Variants in TTC9C observed in about 807,000 individuals in gnomAD.
TTC9C encodes the protein tetratricopeptide repeat protein 9C.
Under a neutral mutation model 22.5 loss-of-function variants are expected in TTC9C, and 15 were observed. The observed-to-expected ratio is 0.67, with a 90% CI of 0.45 to 1.03. The LOEUF (loss-of-function observed/expected upper bound fraction) is 1.03. TTC9C is among the 50% of genes least tolerant of loss of function. The pLI is 0.00. For synonymous variants in TTC9C, 92 were observed against 86.8 expected (o/e 1.06, Z -0.33); for missense variants, 244 against 214.6 (o/e 1.14, Z -0.86).
chr11:62,738,375 T>C lies in TTC9C; in HGVS notation c.509T>C (p.Phe170Ser). The C allele has an allele frequency of 6.2e-7, 1 of 1,609,090 alleles. No individual in the cohort carries two copies. Among genetic ancestry groups the C allele is most frequent in the Non-Finnish European group, 8.5e-7 (1 of 1,176,548 alleles). Residue 170 changes from phenylalanine to serine, a missense_variant, in exon 3 of 3, where the codon TTT (phenylalanine) becomes TCT (serine). Phe to Ser is a radical substitution (Grantham distance 155). Transcript: ENST00000316461. ...GAGAAGCAGCTCTACCTGGGCATGT[T>C]TGGTTAACAAAGAAGAAAGATGCTC... is the stretch of plus-strand genomic sequence containing the variant. ...RKEKQLYLGMFG is the reference protein window; with the variant it reads ...RKEKQLYLGMSG
rs1225057792 is a variant in TTC9C at position 62,730,232 on chromosome 11, G to T, written c.238+1146G>T. Among the ~76,000 whole-genome samples, 4 of 152,030 alleles carry T rather than the reference G, an allele frequency of 2.6e-5. No individual in the cohort carries two copies. The South Asian group carries it at 8.3e-4, about 32-fold the overall frequency. On this transcript the variant is annotated intron_variant, in intron 1 of 2. Coordinates refer to ENST00000316461, the MANE Select transcript of TTC9C (RefSeq NM_173810.4). ...CTGGGATACAGGCGCGTGCCACCAC[G>T]CCTGGCTAATTTTTTGTATTTTTAG...
chr11:62,729,129 G>A, intron 1 of TTC9C, 43 bp downstream of exon 1: 4 of 1,545,464 alleles, frequency 2.6e-6, no homozygotes, highest in Middle Eastern at 1.7e-4. Context: ...ATTAAGACAG[G>A]AACATGAACA....
Position 62,735,494 on chromosome 11 carries a change from C to G in TTC9C, c.351C>G (p.Ala117=), listed in dbSNP as rs1320107537. The change falls in exon 2 of 3, where the codon GCC becomes GCG. Residue 117 remains alanine, a synonymous_variant. Transcript: ENST00000316461. The part of the protein sequence containing the change: ...NAKALYRAGV[A]FFHLQDYDQA... ...AGGCCTTGTATCGGGCCGGAGTGGCCTTTTTCCATCTGCAGGACTATGACC... is the reference window on the plus strand; with the variant it reads ...AGGCCTTGTATCGGGCCGGAGTGGCGTTTTTCCATCTGCAGGACTATGACC... The G allele has an allele frequency of 1.2e-6, 2 of 1,613,218 alleles. No homozygotes were observed. Among genetic ancestry groups the G allele is most frequent in the East Asian group, 2.2e-5 (1 of 44,890 alleles).
At chr11:62,733,331 A>G in intron 1 of TTC9C, 1 of 389,942 alleles carries the variant, frequency 2.6e-6, no homozygotes, top group Non-Finnish European at 4.4e-6. Context: ...AGAACCTGTA[A>G]GATCTTAGAC....
At chr11:62,735,607 T>C (rs1336338466) in intron 2 of TTC9C, 43 bp downstream of exon 2, 1 of 1,561,770 alleles carries the variant, frequency 6.4e-7, no homozygotes, top group South Asian at 1.2e-5. Flanking sequence ...AAAATTGTCT[T>C]GCTGGGGTGG....
At chr11:62,735,010 C>T (rs2083894195) in intron 1 of TTC9C, among the ~76,000 whole-genome samples, 1 of 152,206 alleles carries the variant, frequency 6.6e-6, no homozygotes, top group Non-Finnish European at 1.5e-5. Flanking sequence ...GATTCTCTTG[C>T]CTCACCCTCC....
upstream of TTC9C, chr11:62,728,251 G>A (rs1231025620): frequency 5.9e-6 from 2 of 338,366 alleles, no homozygotes; most frequent in Non-Finnish European, 1.2e-5. Context: ...CAGAGGGCGA[G>A]GAACTGGTCA....
chr11:62,728,839 G>A lies in TTC9C; in HGVS notation c.-10G>A, dbSNP rs1416552656. On this transcript the variant is annotated 5_prime_UTR_variant, in exon 1 of 3. Transcript: ENST00000316461. ...ACTTCCCAGTTCCGCAAGAACCGTG[G>A]GCGACAGTTATGGAGAAGCGTCTGC... is the stretch of plus-strand genomic sequence containing the variant. The A allele has an allele frequency of 6.2e-7, 1 of 1,613,872 alleles. No homozygotes were observed. The highest frequency in any genetic ancestry group is 8.5e-7 in the Non-Finnish European group (1 of 1,179,820).
chr11:62,736,899 C>CT (rs1171528632), intron 2 of TTC9C, among the ~76,000 whole-genome samples: 1 of 149,642 alleles, frequency 6.7e-6, no homozygotes, highest in African/African-American at 2.5e-5. Flanking sequence ...TGTTCCTGGT[C>CT]TTTAAGAGTG....
Position 62,729,103 on chromosome 11 carries a change from A to G in TTC9C, c.238+17A>G. 2 of 1,607,878 alleles carry G rather than the reference A, an allele frequency of 1.2e-6. No individual in the cohort carries two copies. The highest frequency in any genetic ancestry group is 1.7e-6 in the Non-Finnish European group (2 of 1,174,550). ...ATCTAGCTGGTAAGAACGGGGCTAA[A>G]GGGTGGCTAGAGAGCATTAAGACAG... On this transcript the variant is annotated intron_variant, in intron 1 of 2. Coordinates refer to ENST00000316461, the MANE Select transcript of TTC9C (RefSeq NM_173810.4).
chr11:62,729,132 C>G (rs1424365791), intron 1 of TTC9C, 46 bp downstream of exon 1: 2 of 1,522,092 alleles, frequency 1.3e-6, no homozygotes, highest in African/African-American at 1.4e-5. Flanking sequence ...AAGACAGGAA[C>G]ATGAACATCT....
At chr11:62,731,198 C>T (rs1249885210) in intron 1 of TTC9C, among the ~76,000 whole-genome samples, 1 of 151,998 alleles carries the variant, frequency 6.6e-6, no homozygotes, top group Non-Finnish European at 1.5e-5. Context: ...CCAAACTGGC[C>T]CTTTTATACA....
intron 1 of TTC9C, chr11:62,733,245 G>A: frequency 9.7e-7 from 1 of 1,031,766 alleles, no homozygotes; most frequent in Non-Finnish European, 1.3e-6. Flanking sequence ...GAATAGTGAA[G>A]TTATATGCTG....
rs2083935162 is a variant in TTC9C at position 62,738,298 on chromosome 11, C to T, written c.432C>T (p.Val144=). 6.2e-7 allele frequency: 1 copy of T among 1,611,560 alleles called. No homozygotes were observed. The highest frequency in any genetic ancestry group is 8.5e-7 in the Non-Finnish European group (1 of 1,178,624). ...AVNRQPKDAN[V]RRYLQLTQSE... is the part of the protein sequence containing the mutation. Reference sequence around the variant, plus strand: ...CCATCATCTTCCAAGATGCCAACGTCCGGCGGTACCTCCAGCTGACACAGT... The same window carrying T: ...CCATCATCTTCCAAGATGCCAACGTTCGGCGGTACCTCCAGCTGACACAGT... Residue 144 remains valine (V), a synonymous_variant, in exon 3 of 3, where the codon GTC becomes GTT. Coordinates refer to ENST00000316461, the MANE Select transcript of TTC9C (RefSeq NM_173810.4).
intron 1 of TTC9C, among the ~76,000 whole-genome samples, chr11:62,735,093 C>T (rs1590913868): frequency 6.6e-6 from 1 of 152,026 alleles, no homozygotes; most frequent in African/African-American, 2.4e-5. Flanking sequence ...CGGGGTTTCT[C>T]CATGTTGTCA....
At chr11:62,735,060 C>A (rs973076787) in intron 1 of TTC9C, among the ~76,000 whole-genome samples, 3 of 152,126 alleles carry the variant, frequency 2.0e-5, no homozygotes, top group Non-Finnish European at 4.4e-5. Context: ...CCACACCTGG[C>A]TAATTTTTAT....
At chr11:62,735,666 A>G (rs1295811645) in intron 2 of TTC9C, 102 bp downstream of exon 2, 3 of 1,434,042 alleles carry the variant, frequency 2.1e-6, no homozygotes, top group Non-Finnish European at 2.7e-6. Context: ...ATTATTTTCA[A>G]TAAGTAATAC....
Position 62,729,080 on chromosome 11 carries a change from C to T in TTC9C, c.232C>T (p.Leu78=), listed in dbSNP as rs772325925. The T allele has an allele frequency of 1.2e-6, 2 of 1,613,804 alleles. No homozygotes were observed. The change falls in exon 1 of 3, where the codon CTA becomes TTA. Residue 78 remains leucine, a synonymous_variant. Coordinates refer to ENST00000316461, the MANE Select transcript of TTC9C (RefSeq NM_173810.4). ...CACCCAGACAGACTGCTATAACAAT[C>T]TAGCTGGTAAGAACGGGGCTAAAGG... ...HTTQTDCYNN[L]AACLLQMEPV...
chr11:62,736,378 TAA>T (rs1201447027), intron 2 of TTC9C: 1 of 150,440 alleles, frequency 6.6e-6, no homozygotes. Flanking sequence ...CCATCTCTAC[TAA>T]AAAAAATAAA....
Sources: gnomAD v4.1 joint callset for allele counts (sites outside exome capture counted in the v4.1 genomes callset) on GRCh38, gnomAD v4.1.1 for gene constraint, MANE v1.5 for transcripts, NCBI Gene and HGNC (gene_info 2026-07-23, HGNC 2026-07-21) for gene names.